RNF212B: variants seen among roughly 807,000 people sequenced by gnomAD.
The protein encoded by RNF212B is ring finger protein 212B, also known as E3 ubiquitin-protein ligase RNF212B.
In RNF212B, 52 loss-of-function variants were observed where a neutral mutation model predicts 55.5. The observed-to-expected ratio is 0.94, with a 90% CI of 0.75 to 1.18. RNF212B has a LOEUF of 1.18. RNF212B is among the 50% of genes most tolerant of loss of function. The pLI, the probability that RNF212B is intolerant of heterozygous loss-of-function variation, is 0.00. For missense variants in RNF212B, 289 were observed against 350.4 expected (o/e 0.82, Z 1.40); for synonymous variants, 99 against 121.4 (o/e 0.82, Z 1.21).
chr14:23,189,770 T>C (rs992845207), intron 1 of RNF212B, among the ~76,000 whole-genome samples: 22 of 152,182 alleles, frequency 1.4e-4, no homozygotes, highest in African/African-American at 5.3e-4. Flanking sequence ...TTCATGCCAC[T>C]GCACTCCAGC....
chr14:23,260,766 T>A, intron 7 of RNF212B, 79 bp downstream of exon 7: 1 of 1,252,404 alleles, frequency 8.0e-7, no homozygotes, highest in Non-Finnish European at 1.1e-6. Flanking sequence ...GTGTGAACTC[T>A]GAGAGAGAGA....
upstream of RNF212B, among the ~76,000 whole-genome samples, chr14:23,236,493 C>T (rs997354370): frequency 6.6e-6 from 1 of 151,942 alleles, no homozygotes; most frequent in East Asian, 1.9e-4. Context: ...CCAGCCCTGG[C>T]GACAGAGTGA....
intron 2 of RNF212B, among the ~76,000 whole-genome samples, chr14:23,213,312 TAA>T (rs10707951): frequency 8.5e-5 from 12 of 140,506 alleles, no homozygotes; most frequent in African/African-American, 2.3e-4. Flanking sequence ...GACTCCGTCT[TAA>T]AAAAAAAAAA....
At chr14:23,194,511 G>A (rs1162126445) in intron 2 of RNF212B, among the ~76,000 whole-genome samples, 1 of 151,994 alleles carries the variant, frequency 6.6e-6, no homozygotes, top group Admixed American at 6.6e-5. Flanking sequence ...GCTGAGGTGG[G>A]CAGATCATCT....
intron 2 of RNF212B, among the ~76,000 whole-genome samples, chr14:23,242,893 C>A (rs903894242): frequency 6.7e-6 from 1 of 148,532 alleles, no homozygotes; most frequent in Non-Finnish European, 1.5e-5. Context: ...GCAGGAGGAT[C>A]ACTTGAGCCC....
Position 23,259,915 on chromosome 14 carries a change from G to A in RNF212B, c.376G>A (p.Glu126Lys). Reference sequence around the variant, plus strand: ...GTCAGTCTTAAGGAAGGAGAATGGAGAACTGAAGAAATTTCTAGCCATTCT... The same window carrying A: ...GTCAGTCTTAAGGAAGGAGAATGGAAAACTGAAGAAATTTCTAGCCATTCT... ...ELSVLRKENGELKKFLAILKE... is the reference protein window; with the variant it reads ...ELSVLRKENGKLKKFLAILKE... Residue 126 changes from glutamate to lysine, a missense_variant, in exon 6 of 15, where the codon GAA becomes AAA. Transcript: ENST00000430154. 6.6e-7 allele frequency: 1 copy of A among 1,516,810 alleles called. No individual in the cohort carries two copies. Among genetic ancestry groups the A allele is most frequent in the Non-Finnish European group, 8.9e-7 (1 of 1,127,922 alleles). The allele number at this position is 1,516,810 out of a possible 1,614,324, so 94.0% of individuals were successfully genotyped here.
chr14:23,248,255 G>A (rs965222413), intron 4 of RNF212B, among the ~76,000 whole-genome samples: 3 of 151,478 alleles, frequency 2.0e-5, no homozygotes, highest in Middle Eastern at 3.4e-3. Context: ...ACCCTCCCAG[G>A]TAGCTGGGAC....
chr14:23,216,035 G>C (rs1201531125), intron 2 of RNF212B, among the ~76,000 whole-genome samples: 1 of 151,480 alleles, frequency 6.6e-6, no homozygotes, highest in Admixed American at 6.6e-5. Context: ...CACGAGATCA[G>C]GAGATCGAGA....
chr14:23,247,945 C>T (rs1884106590), intron 4 of RNF212B, among the ~76,000 whole-genome samples: 1 of 152,082 alleles, frequency 6.6e-6, no homozygotes. Context: ...TGGGCAATTT[C>T]TAAATAACAG....
chr14:23,258,664 A>G lies in RNF212B; in HGVS notation c.344A>G (p.Lys115Arg), dbSNP rs1366149360. The G allele has an allele frequency of 7.0e-7, 1 of 1,426,118 alleles. No homozygotes were observed. Among genetic ancestry groups the G allele is most frequent in the Non-Finnish European group, 9.5e-7 (1 of 1,058,046 alleles). The allele number at this position is 1,426,118 out of a possible 1,614,324, so 88.3% of individuals were successfully genotyped here. Reference protein sequence around the residue: ...EAQQALVSQDKELSVLRKENG... With the variant: ...EAQQALVSQDRELSVLRKENG... ...CAGCAAGCACTGGTGAGCCAGGACA[A>G]GTAAGTAACAAATCAAGTCCCAAGA... The change falls in exon 5 of 15, where the codon AAA becomes AGA. Residue 115 changes from lysine to arginine, a missense_variant and splice_region_variant. By Grantham distance (26) the Lys-to-Arg change is conservative. Transcript: ENST00000430154.
intron 11 of RNF212B, 87 bp from the exon 12 acceptor site, chr14:23,268,837 C>A (rs1885872240): frequency 9.0e-7 from 1 of 1,115,302 alleles, no homozygotes; most frequent in East Asian, 2.6e-5. Flanking sequence ...TCTTTTATCT[C>A]CATTTCCTTT....
rs1885170376 is a variant in RNF212B at position 23,259,884 on chromosome 14, A to T, written c.345A>T (p.Lys115Asn). The T allele has an allele frequency of 1.3e-6, 2 of 1,506,160 alleles. No homozygotes were observed. Among genetic ancestry groups the T allele is most frequent in the South Asian group, 2.6e-5 (2 of 76,530 alleles). The allele number at this position is 1,506,160 out of a possible 1,614,324, so 93.3% of individuals were successfully genotyped here. Residue 115 changes from lysine to asparagine, a missense_variant and splice_region_variant, in exon 6 of 15, where the codon AAA (lysine) becomes AAT (asparagine). Lys to Asn is a moderately conservative substitution (Grantham distance 94, BLOSUM62 0). Coordinates refer to ENST00000430154, the MANE Select transcript of RNF212B (RefSeq NM_001282322.3). ...CTGATTGTTTCCATCTTTTGCCTAG[A>T]GAATTGTCAGTCTTAAGGAAGGAGA... ...EAQQALVSQD[K>N]ELSVLRKENG...
At chr14:23,191,522 G>A (rs1448496036) in intron 1 of RNF212B, among the ~76,000 whole-genome samples, 1 of 151,882 alleles carries the variant, frequency 6.6e-6, no homozygotes, top group Non-Finnish European at 1.5e-5. Context: ...GGTTTTTCTA[G>A]GGGGTAATGA....
At chr14:23,199,363 T>C (rs1002271722) in intron 2 of RNF212B, among the ~76,000 whole-genome samples, 2 of 152,138 alleles carry the variant, frequency 1.3e-5, no homozygotes, top group African/African-American at 4.8e-5. Flanking sequence ...GAGATTCTGT[T>C]AGCCTTTCCA....
intron 2 of RNF212B, among the ~76,000 whole-genome samples, chr14:23,214,220 A>G (rs374760688): frequency 6.6e-6 from 1 of 152,222 alleles, no homozygotes; most frequent in East Asian, 1.9e-4. Context: ...AAGGCTGGGC[A>G]TGGCGGCTCA....
At chr14:23,271,270 C>T (rs1054783751) in intron 14 of RNF212B, among the ~76,000 whole-genome samples, 2 of 151,954 alleles carry the variant, frequency 1.3e-5, no homozygotes, top group Non-Finnish European at 2.9e-5. Context: ...AAAACCCCGT[C>T]TCTCTCTACT....
chr14:23,219,970 C>T (rs113922819), intron 2 of RNF212B, among the ~76,000 whole-genome samples: 14 of 151,762 alleles, frequency 9.2e-5, no homozygotes, highest in African/African-American at 2.2e-4. Context: ...GATCGTTTGA[C>T]GTCAGGAGTT....
At position 23,264,236 on chromosome 14, in the gene RNF212B, T is replaced by C. The variant is rs1041573921; in HGVS notation, c.585+2T>C. 2 of 1,545,656 alleles carry C rather than the reference T, an allele frequency of 1.3e-6. No individual in the cohort carries two copies. Among genetic ancestry groups the C allele is most frequent in the Non-Finnish European group, 1.8e-6 (2 of 1,142,564 alleles). Reference sequence around the variant, plus strand: ...GCTGGCTTTGGTAGCTTGGGACAAGTAAGTAATGTTCACCTTATCTTTCCA... The same window carrying C: ...GCTGGCTTTGGTAGCTTGGGACAAGCAAGTAATGTTCACCTTATCTTTCCA... On this transcript the variant is annotated splice_donor_variant, in intron 10 of 14. Coordinates refer to ENST00000430154, the MANE Select transcript of RNF212B (RefSeq NM_001282322.3). LOFTEE classifies it high-confidence loss of function.
At chr14:23,233,533 C>T (rs1247792462), upstream of RNF212B, among the ~76,000 whole-genome samples, 34 of 141,012 alleles carry the variant, frequency 2.4e-4, no homozygotes, top group African/African-American at 8.9e-4. Context: ...TGAGACCAGC[C>T]TGGGCAACAT....
Sources: gnomAD v4.1 joint callset for allele counts (sites outside exome capture counted in the v4.1 genomes callset) on GRCh38, gnomAD v4.1.1 for gene constraint, MANE v1.5 for transcripts, NCBI Gene and HGNC (gene_info 2026-07-23, HGNC 2026-07-21) for gene names.